The following HMGCLL1 variants were observed in gnomAD, a reference collection of about 807,000 sequenced individuals.
HMGCLL1 encodes 3-hydroxymethyl-3-methylglutaryl-CoA lyase, cytoplasmic.
In HMGCLL1, 36 loss-of-function variants were observed where a neutral mutation model predicts 39.1. That is an observed-to-expected ratio of 0.92 (90% CI 0.71 to 1.22). HMGCLL1 has a LOEUF of 1.22. Among genes scored for constraint, HMGCLL1 ranks in the 50% most tolerant of loss-of-function variants. The pLI, the probability that HMGCLL1 is intolerant of heterozygous loss-of-function variation, is 0.00. For missense variants in HMGCLL1, 451 were observed against 416.5 expected, an observed-to-expected ratio of 1.08 and a Z score of -0.72; for synonymous variants, 149 against 144.0, an observed-to-expected ratio of 1.03 and a Z score of -0.25.
At chr6:55,535,117 T>C (rs1234275237) in intron 3 of HMGCLL1, among the ~76,000 whole-genome samples, 1 of 152,210 alleles carries the variant, frequency 6.6e-6, no homozygotes, top group East Asian at 1.9e-4. Context: ...CAATGACCAT[T>C]TGAGATCATT....
the HMGCLL1 span, among the ~76,000 whole-genome samples, chr6:55,588,483 C>A: frequency 1.6e-4 from 25 of 151,944 alleles, no homozygotes; most frequent in Admixed American, 5.9e-4. Context: ...CCTAACATCA[C>A]AATTAAGAGA....
chr6:55,657,826 A>G, the HMGCLL1 span, among the ~76,000 whole-genome samples: 4 of 151,946 alleles, frequency 2.6e-5, no homozygotes, highest in Non-Finnish European at 4.4e-5. Flanking sequence ...CAGATACTAC[A>G]TGTTCTAATT....
At chr6:55,601,997 C>T in the HMGCLL1 span, among the ~76,000 whole-genome samples, 1 of 151,986 alleles carries the variant, frequency 6.6e-6, no homozygotes, top group Non-Finnish European at 1.5e-5. Flanking sequence ...TTACAGTTTC[C>T]ACAAAAATTT....
At chr6:55,483,970 G>A (rs1235546299) in intron 7 of HMGCLL1, among the ~76,000 whole-genome samples, 1 of 152,174 alleles carries the variant, frequency 6.6e-6, no homozygotes, top group Non-Finnish European at 1.5e-5. Context: ...AGTAGGGAAA[G>A]AATGGGTTAG....
At chr6:55,552,473 C>A (rs1394192768) in intron 1 of HMGCLL1, among the ~76,000 whole-genome samples, 1 of 151,944 alleles carries the variant, frequency 6.6e-6, no homozygotes, top group African/African-American at 2.4e-5. Flanking sequence ...TATTTTCCAT[C>A]CCTAGTATAG....
At chr6:55,654,254 T>A in the HMGCLL1 span, among the ~76,000 whole-genome samples, 1 of 151,690 alleles carries the variant, frequency 6.6e-6, no homozygotes, top group East Asian at 1.9e-4. Flanking sequence ...CTGACTGAAT[T>A]TGACTGAATT....
At chr6:55,495,364 C>T (rs1766515694) in intron 7 of HMGCLL1, 55 bp downstream of exon 7, 2 of 1,286,332 alleles carry the variant, frequency 1.6e-6, no homozygotes, top group Admixed American at 4.6e-5. Flanking sequence ...GTTTATATTA[C>T]AGATAAAGAT....
At chr6:55,503,828 C>T (rs960294311) in intron 5 of HMGCLL1, among the ~76,000 whole-genome samples, 16 of 151,764 alleles carry the variant, frequency 1.1e-4, no homozygotes, top group African/African-American at 3.9e-4. Context: ...TATTCAATAA[C>T]CAAAGGTTAG....
rs143269045 is a variant in HMGCLL1, at chr6:55,570,427, T to G, written c.108+8521A>C. On this transcript the variant is annotated intron_variant, in intron 1 of 8. Coordinates refer to ENST00000274901, the MANE Select transcript of HMGCLL1 (RefSeq NM_001042406.2). The stretch of plus-strand genomic sequence containing the variant: ...TTTGCTTAGAGACTAGAATTAAGGA[T>G]GGCATCTTTAATTTCCATTACTTCT... 6.8e-4 allele frequency among the ~76,000 whole-genome samples: 104 copies of G among 152,344 alleles called. 2 individuals carry two copies. The East Asian group carries it at 0.02, about 29-fold the overall frequency.
intron 3 of HMGCLL1, among the ~76,000 whole-genome samples, chr6:55,526,009 G>A (rs1768299700): frequency 6.6e-6 from 1 of 151,814 alleles, no homozygotes; most frequent in Non-Finnish European, 1.5e-5. Flanking sequence ...TGACATCCAT[G>A]ACCAATATAC....
At chr6:55,650,959 G>A in the HMGCLL1 span, among the ~76,000 whole-genome samples, 4 of 152,172 alleles carry the variant, frequency 2.6e-5, no homozygotes, top group East Asian at 7.8e-4. Context: ...CTGGCCCAGG[G>A]TAGGCCCAGA....
chr6:55,470,920 GC>G (rs949043827), intron 7 of HMGCLL1, among the ~76,000 whole-genome samples: 5 of 151,614 alleles, frequency 3.3e-5, no homozygotes, highest in African/African-American at 1.2e-4. Flanking sequence ...CAGGACAATT[GC>G]CCCCATGATC....
chr6:55,568,626 T>C (rs531475545), intron 1 of HMGCLL1, among the ~76,000 whole-genome samples: 1 of 152,298 alleles, frequency 6.6e-6, no homozygotes, highest in African/African-American at 2.4e-5. Context: ...TAACAATACA[T>C]AGTCAGAACA....
At chr6:55,447,534 C>T (rs985841136) in intron 7 of HMGCLL1, among the ~76,000 whole-genome samples, 2 of 151,924 alleles carry the variant, frequency 1.3e-5, no homozygotes, top group African/African-American at 2.4e-5. Flanking sequence ...TCTACCTTCA[C>T]TGGACATATT....
intron 5 of HMGCLL1, among the ~76,000 whole-genome samples, chr6:55,500,148 GA>G (rs1219576331): frequency 6.6e-6 from 1 of 152,022 alleles, no homozygotes; most frequent in East Asian, 1.9e-4. Flanking sequence ...GGTGGGAAAT[GA>G]GGCTGGAGAT....
At chr6:55,639,886 C>A in the HMGCLL1 span, among the ~76,000 whole-genome samples, 1 of 151,928 alleles carries the variant, frequency 6.6e-6, no homozygotes, top group East Asian at 1.9e-4. Flanking sequence ...CAAGACCAGC[C>A]TGGCCAACAT....
intron 1 of HMGCLL1, among the ~76,000 whole-genome samples, chr6:55,560,698 A>G (rs984599786): frequency 9.9e-5 from 15 of 152,120 alleles, no homozygotes; most frequent in African/African-American, 3.6e-4. Flanking sequence ...TTCACCTAAC[A>G]TTCCATCCAT....
At chr6:55,666,290 C>T in the HMGCLL1 span, among the ~76,000 whole-genome samples, 2 of 151,674 alleles carry the variant, frequency 1.3e-5, no homozygotes, top group Non-Finnish European at 3.0e-5. Flanking sequence ...AACAGTTTCC[C>T]ATTTCAAGAA....
At chr6:55,654,727 T>C in the HMGCLL1 span, among the ~76,000 whole-genome samples, 3 of 151,956 alleles carry the variant, frequency 2.0e-5, no homozygotes. Flanking sequence ...AATATTATAT[T>C]GAAACATTAT....
Sources: gnomAD v4.1 joint callset for allele counts (sites outside exome capture counted in the v4.1 genomes callset) on GRCh38, gnomAD v4.1.1 for gene constraint, MANE v1.5 for transcripts, NCBI Gene and HGNC (gene_info 2026-07-23, HGNC 2026-07-21) for gene names.